Variants in NUF2 observed in about 807,000 individuals in gnomAD.
The protein encoded by NUF2 is kinetochore protein Nuf2.
Under a neutral mutation model 61.8 loss-of-function variants are expected in NUF2, and 34 were observed. The ratio of observed to expected loss-of-function variants is 0.55; its 90% CI spans 0.42 to 0.73. The LOEUF is 0.73. Among genes scored for constraint, NUF2 ranks in the 30% least tolerant of loss-of-function variants. The pLI is 0.00. For missense variants in NUF2, 445 were observed against 539.1 expected (o/e 0.83, Z 1.73); for synonymous variants, 172 against 181.6 (o/e 0.95, Z 0.42).
intron 1 of NUF2, among the ~76,000 whole-genome samples, chr1:163,324,140 C>T (rs762159701): frequency 1.3e-5 from 2 of 152,108 alleles, no homozygotes; most frequent in Admixed American, 1.3e-4. Context: ...TTTGAAGTTA[C>T]ATATAGCCAT....
intron 8 of NUF2, 102 bp from the exon 9 acceptor site, chr1:163,340,262 A>G: frequency 1.2e-6 from 1 of 836,606 alleles, no homozygotes; most frequent in Non-Finnish European, 2.0e-6. Flanking sequence ...ATCTGATCTA[A>G]CACATTTAAC....
intron 11 of NUF2, 112 bp from the exon 12 acceptor site, chr1:163,347,651 G>T: frequency 5.2e-6 from 4 of 775,212 alleles, no homozygotes; most frequent in South Asian, 2.7e-5. Context: ...AAAGAGTTTT[G>T]TCTCTTTTTA....
Position 163,327,885 on chromosome 1 carries a change from GTTCTCTT to G in NUF2, c.198+327_198+333del, listed in dbSNP as rs1650479029. On this transcript the variant is annotated intron_variant, in intron 3 of 13. Coordinates refer to ENST00000271452, the MANE Select transcript of NUF2 (RefSeq NM_145697.3). ...TAAACAATAGCTAAGTCTTCATATTGTTCTCTTTTCAGGAAGAACTCCCAAATTAGAG... is the reference window on the plus strand; with the variant it reads ...TAAACAATAGCTAAGTCTTCATATTGTTCAGGAAGAACTCCCAAATTAGAG... 1.4e-5 allele frequency: 5 copies of G among 362,676 alleles called. No individual in the cohort carries two copies. The Admixed American group carries it at 1.8e-4, about 13-fold the overall frequency. The allele number at this position is 362,676 out of a possible 1,614,324, so 22.5% of individuals were successfully genotyped here.
chr1:163,339,644 C>T (rs1650876084), intron 8 of NUF2, among the ~76,000 whole-genome samples, 167 bp downstream of exon 8: 3 of 152,060 alleles, frequency 2.0e-5, no homozygotes, highest in Admixed American at 2.0e-4. Flanking sequence ...TTCTCTCAAC[C>T]ATCTAGAACC....
intron 5 of NUF2, among the ~76,000 whole-genome samples, chr1:163,331,033 T>A (rs1321044168): frequency 6.6e-6 from 1 of 151,452 alleles, no homozygotes; most frequent in African/African-American, 2.4e-5. Flanking sequence ...TTCTTTTTTT[T>A]TTTTTTTTAC....
Position 163,355,501 on chromosome 1 carries a change from C to A in NUF2, c.*32C>A. On this transcript the variant is annotated 3_prime_UTR_variant, in exon 14 of 14. Transcript: ENST00000271452. ...AAATTACATGTCTTTTTGTAAATGG[C>A]TTGCCATCTTTTAATTTTCTATTTA... 1 of 1,553,306 alleles carries A rather than the reference C, an allele frequency of 6.4e-7. No homozygotes were observed. Among genetic ancestry groups the A allele is most frequent in the South Asian group, 1.2e-5 (1 of 81,896 alleles).
chr1:163,347,829 A>C lies in NUF2; in HGVS notation c.1015A>C (p.Asn339His). The change falls in exon 12 of 14, where the codon AAT becomes CAT. Residue 339 changes from asparagine (N) to histidine (H), a missense_variant. Asn to His is a moderately conservative substitution (Grantham distance 68). Transcript: ENST00000271452. ...SELKKLKTEE[N>H]SFKRLMIVKK... ...ACTGAAGAAATTGAAGACTGAAGAAAATTCGTTCAAAAGACTGATGATTGT... is the reference window on the plus strand; with the variant it reads ...ACTGAAGAAATTGAAGACTGAAGAACATTCGTTCAAAAGACTGATGATTGT... The C allele has an allele frequency of 6.2e-7, 1 of 1,612,304 alleles. No individual in the cohort carries two copies. The highest frequency in any genetic ancestry group is 8.5e-7 in the Non-Finnish European group (1 of 1,179,352).
intron 4 of NUF2, chr1:163,328,634 C>T (rs955807609): frequency 2.0e-6 from 1 of 510,578 alleles, no homozygotes; most frequent in African/African-American, 1.9e-5. Context: ...TGTAACTATA[C>T]TTTAGTATTG....
intron 1 of NUF2, among the ~76,000 whole-genome samples, chr1:163,323,724 GA>G (rs201121370): frequency 2.0e-5 from 3 of 150,294 alleles, no homozygotes; most frequent in South Asian, 2.1e-4. Context: ...CTGCCTCAAA[GA>G]AAAAAAAATA....
intron 4 of NUF2, chr1:163,328,565 G>T: frequency 4.0e-6 from 2 of 505,020 alleles, no homozygotes; most frequent in South Asian, 6.8e-5. Flanking sequence ...TTTGTGAAGA[G>T]GTTTGAGTTC....
chr1:163,340,461 T>G (rs770142038), intron 9 of NUF2, 35 bp downstream of exon 9: 1 of 1,488,188 alleles, frequency 6.7e-7, no homozygotes, highest in South Asian at 1.1e-5. Flanking sequence ...CATTTAAAGT[T>G]TGAATATATT....
At chr1:163,349,772 A>C (rs980417515) in intron 13 of NUF2, among the ~76,000 whole-genome samples, 1 of 152,218 alleles carries the variant, frequency 6.6e-6, no homozygotes, top group African/African-American at 2.4e-5. Context: ...CATTATCTTA[A>C]GGCTACTTTA....
At chr1:163,345,997 C>T (rs1651112162) in intron 11 of NUF2, 179 bp downstream of exon 11, 2 of 438,366 alleles carry the variant, frequency 4.6e-6, no homozygotes. Flanking sequence ...ATAGCAGTAG[C>T]AAGACCCAAT....
In NUF2 at chr1:163,347,861, G is replaced by A; in HGVS notation, c.1047G>A (p.Lys349=). ...TCAAAAGACTGATGATTGTGAAGAAGGAAAAACTTGCCACAGCACAATTCA... is the reference window on the plus strand; with the variant it reads ...TCAAAAGACTGATGATTGTGAAGAAAGAAAAACTTGCCACAGCACAATTCA... ...NSFKRLMIVK[K]EKLATAQFKI... The change falls in exon 12 of 14, where the codon AAG becomes AAA. Residue 349 remains lysine (K), a synonymous_variant. Coordinates refer to ENST00000271452, the MANE Select transcript of NUF2 (RefSeq NM_145697.3). 1 of 1,611,890 alleles carries A rather than the reference G, an allele frequency of 6.2e-7. No individual in the cohort carries two copies. Among genetic ancestry groups the A allele is most frequent in the Non-Finnish European group, 8.5e-7 (1 of 1,179,106 alleles).
intron 8 of NUF2, 76 bp downstream of exon 8, chr1:163,339,553 A>T (rs1353065705): frequency 2.5e-6 from 2 of 804,826 alleles, no homozygotes; most frequent in African/African-American, 3.4e-5. Context: ...TAGTGGAGGT[A>T]ACAGCACATT....
chr1:163,353,734 A>G (rs1399415811), intron 13 of NUF2, among the ~76,000 whole-genome samples: 1 of 152,196 alleles, frequency 6.6e-6, no homozygotes, highest in African/African-American at 2.4e-5. Context: ...TTTGTCAGGG[A>G]TACGATCTGT....
In NUF2 at chr1:163,336,753, G is replaced by A. The variant is rs1214765320; in HGVS notation, c.340G>A (p.Ala114Thr). The A allele has an allele frequency of 5.6e-6, 9 of 1,605,282 alleles. No homozygotes were observed. The highest frequency in any genetic ancestry group is 7.7e-6 in the Non-Finnish European group (9 of 1,172,564). ...AAGAGTCTTGCTTTCTATTTTAGAA[G>A]CAAAACGGACAAGTCGGTTTTTAAG... The part of the protein sequence containing the change: ...FETADILCPK[A>T]KRTSRFLSGI... Residue 114 changes from alanine to threonine, a missense_variant and splice_region_variant, in exon 6 of 14, where the codon GCA (alanine) becomes ACA (threonine). Physicochemically the swap from Ala to Thr is moderately conservative, Grantham distance 58. Transcript: ENST00000271452.
At chr1:163,355,186 CAGACAT>C in intron 13 of NUF2, 143 bp from the exon 14 acceptor site, 1 of 542,346 alleles carries the variant, frequency 1.8e-6, no homozygotes, top group Non-Finnish European at 3.1e-6. Flanking sequence ...TTAATTAAAG[CAGACAT>C]AGACATGCAC....
At chr1:163,355,259 T>C (rs1005795966) in intron 13 of NUF2, 76 bp from the exon 14 acceptor site, 50 of 1,112,278 alleles carry the variant, frequency 4.5e-5, no homozygotes, top group Non-Finnish European at 6.3e-5. Context: ...ATGAATAAAC[T>C]TGGAATTCTT....
Sources: allele counts gnomAD v4.1 joint callset (sites outside exome capture counted in the v4.1 genomes callset), GRCh38; gene constraint gnomAD v4.1.1; transcripts MANE v1.5; gene names NCBI Gene and HGNC (gene_info 2026-07-23, HGNC 2026-07-21).